Variants in SMIM30 observed in about 807,000 individuals in gnomAD.
The protein encoded by SMIM30 is long intergenic non-protein coding RNA 998.
For synonymous variants in SMIM30, 19 were observed against 11.5 expected, an observed-to-expected ratio of 1.65 and a Z score of -1.31; for missense variants, 43 against 27.6, an observed-to-expected ratio of 1.56 and a Z score of -1.25.
At chr7:113,117,773 A>G in intron 2 of SMIM30, 166 bp from the exon 3 acceptor site, 1 of 585,600 alleles carries the variant, frequency 1.7e-6, no homozygotes, top group Non-Finnish European at 3.0e-6. Flanking sequence ...GAGGGACGTT[A>G]AAGACAGTAA....
At chr7:113,118,191 G>C (rs1794718518) in intron 1 of SMIM30, 30 bp from the exon 2 acceptor site, 1 of 426,388 alleles carries the variant, frequency 2.3e-6, no homozygotes, top group South Asian at 1.7e-5. Context: ...TGGGGAGGGG[G>C]CGGAGAGAAG....
In SMIM30 at chr7:113,118,513, G is replaced by T; in HGVS notation, c.-124+15C>A. The T allele has an allele frequency of 2.2e-6, 1 of 456,064 alleles. No homozygotes were observed. Among genetic ancestry groups the T allele is most frequent in the Non-Finnish European group, 4.4e-6 (1 of 226,898 alleles). 28.3% of individuals were successfully genotyped at this position (456,064 alleles called of 1,614,324 possible). A position where few individuals can be genotyped will look rare whatever the true frequency, so the allele number is the denominator to read the frequency against. On this transcript the variant is annotated intron_variant, in intron 1 of 2. Transcript: ENST00000397764. ...TGCAACCTAAGTATCCTTTGGAGAC[G>T]AGTTCGTACATTACCTTCTAGGAAG...
rs1051878 is a variant in SMIM30 at position 113,117,332 on chromosome 7, T to G, written c.*67A>C. On this transcript the variant is annotated 3_prime_UTR_variant, in exon 3 of 3. Transcript: ENST00000397764. Reference sequence around the variant, plus strand: ...TTCTTGGAACCTTTCACACACCAAATCTCAGGTTTAGCCTCTAAAGCGCAA... The same window carrying G: ...TTCTTGGAACCTTTCACACACCAAAGCTCAGGTTTAGCCTCTAAAGCGCAA... The G allele has an allele frequency of 0.23, 160,880 of 692,526 alleles. 22,175 individuals carry two copies. The highest frequency in any genetic ancestry group is 0.48 in the African/African-American group (27,032 of 56,888). 42.9% of individuals were successfully genotyped at this position (692,526 alleles called of 1,614,324 possible).
chr7:113,118,383 G>T (rs1175670922), intron 1 of SMIM30, 145 bp downstream of exon 1: 1 of 454,622 alleles, frequency 2.2e-6, no homozygotes, highest in East Asian at 6.9e-5. Context: ...AAAAGAAACA[G>T]AACAGAGATA....
rs982577077 is a variant in SMIM30 at position 113,117,198 on chromosome 7, T to C, written c.*201A>G. The C allele has an allele frequency of 9.4e-6, 5 of 530,100 alleles. No homozygotes were observed. Among genetic ancestry groups the C allele is most frequent in the Non-Finnish European group, 1.7e-5 (5 of 296,030 alleles). The allele number at this position is 530,100 out of a possible 1,614,324, so 32.8% of individuals were successfully genotyped here. A position where few individuals can be genotyped will look rare whatever the true frequency, so the allele number is the denominator to read the frequency against. ...ACTAGCAAATTATAGGCTGCATTTT[T>C]CTGTGCATTATTTGTTGTAAAGAAA... On this transcript the variant is annotated 3_prime_UTR_variant, in exon 3 of 3. Transcript: ENST00000397764.
intron 1 of SMIM30, 112 bp from the exon 2 acceptor site, chr7:113,118,273 C>T: frequency 2.4e-6 from 1 of 419,788 alleles, no homozygotes; most frequent in African/African-American, 2.1e-5. Context: ...AGCGTGGAGG[C>T]CATATGGACG....
intron 2 of SMIM30, 187 bp downstream of exon 2, chr7:113,117,881 C>T: frequency 2.4e-6 from 1 of 408,342 alleles, no homozygotes; most frequent in South Asian, 2.3e-5. Flanking sequence ...AAAAATTGAA[C>T]AGGAGTTCAT....
chr7:113,117,962 T>C (rs1794713808), intron 2 of SMIM30, 106 bp downstream of exon 2: 5 of 352,752 alleles, frequency 1.4e-5, no homozygotes, highest in East Asian at 7.6e-5. Context: ...TGGGTAAAAA[T>C]TGTACATTTT....
At position 113,117,185 on chromosome 7, in the gene SMIM30, T is replaced by A. The variant is rs1436270943; in HGVS notation, c.*214A>T. ...CTTTGACTACCTAACTAGCAAATTATAGGCTGCATTTTTCTGTGCATTATT... is the reference window on the plus strand; with the variant it reads ...CTTTGACTACCTAACTAGCAAATTAAAGGCTGCATTTTTCTGTGCATTATT... On this transcript the variant is annotated 3_prime_UTR_variant, in exon 3 of 3. Coordinates refer to ENST00000397764, the MANE Select transcript of SMIM30 (RefSeq NM_001352688.2). 1.6e-5 allele frequency: 8 copies of A among 509,122 alleles called. No individual in the cohort carries two copies. The highest frequency in any genetic ancestry group is 1.1e-5 in the Non-Finnish European group (3 of 283,394). 31.5% of individuals were successfully genotyped at this position (509,122 alleles called of 1,614,324 possible).
Position 113,117,546 on chromosome 7 carries a change from G to T in SMIM30, c.33C>A (p.Val11=), listed in dbSNP as rs201016385. 117 of 702,814 alleles carry T rather than the reference G, an allele frequency of 1.7e-4. 1 individual carries two copies. The highest frequency in any genetic ancestry group is 2.7e-4 in the Non-Finnish European group (105 of 384,950). The allele number at this position is 702,814 out of a possible 1,614,324, so 43.5% of individuals were successfully genotyped here. A position where few individuals can be genotyped will look rare whatever the true frequency, so the allele number is the denominator to read the frequency against. ...GCAGCACCAAAAGCAGTGACATGAG[G>T]ACTAAGGACAACTGTGTTGAAACTG... The part of the protein sequence containing the change: MTSVSTQLSL[V]LMSLLLVLPV... Residue 11 remains valine (V), a synonymous_variant, in exon 3 of 3, where the codon GTC becomes GTA. Transcript: ENST00000397764.
chr7:113,118,043 G>A, intron 2 of SMIM30, 25 bp downstream of exon 2: 1 of 447,986 alleles, frequency 2.2e-6, no homozygotes. Flanking sequence ...ACTCTGCGAA[G>A]TTGTGGGGAA....
Position 113,117,469 on chromosome 7 carries a change from A to G in SMIM30, c.110T>C (p.Val37Ala). The G allele has an allele frequency of 1.4e-6, 1 of 702,910 alleles. No homozygotes were observed. Among genetic ancestry groups the G allele is most frequent in the Non-Finnish European group, 2.6e-6 (1 of 384,882 alleles). The allele number at this position is 702,910 out of a possible 1,614,324, so 43.5% of individuals were successfully genotyped here. The change falls in exon 3 of 3, where the codon GTG becomes GCG. Residue 37 changes from valine (V) to alanine (A), a missense_variant. Physicochemically the swap from Val to Ala is moderately conservative, Grantham distance 64. Coordinates refer to ENST00000397764, the MANE Select transcript of SMIM30 (RefSeq NM_001352688.2). ...ACAAATGCCTGTAATGCTGAGAACC[A>G]CACCTAACAAAAGGGCGATTGCATC... ...AGDAIALLLG[V>A]VLSITGICAC...
At position 113,117,457 on chromosome 7, in the gene SMIM30, A is replaced by T; in HGVS notation, c.122T>A (p.Ile41Asn). The change falls in exon 3 of 3, where the codon ATT (isoleucine) becomes AAT (asparagine). Residue 41 changes from isoleucine to asparagine, a missense_variant. Ile to Asn is a moderately radical substitution (Grantham distance 149). Transcript: ENST00000397764. ...CCCCAAGCAGGCACAAATGCCTGTA[A>T]TGCTGAGAACCACACCTAACAAAAG... ...IALLLGVVLS[I>N]TGICACLGVY... 1 of 702,962 alleles carries T rather than the reference A, an allele frequency of 1.4e-6. No homozygotes were observed. The highest frequency in any genetic ancestry group is 2.6e-6 in the Non-Finnish European group (1 of 384,870). 43.5% of individuals were successfully genotyped at this position (702,962 alleles called of 1,614,324 possible).
rs1213805480 is a variant in SMIM30 at position 113,116,724 on chromosome 7, T to A, written c.*675A>T. 6.6e-6 allele frequency: 1 copy of A among 152,196 alleles called. No homozygotes were observed. The highest frequency in any genetic ancestry group is 1.5e-5 in the Non-Finnish European group (1 of 68,044). The allele number at this position is 152,196 out of a possible 1,614,324, so 9.4% of individuals were successfully genotyped here. A position where few individuals can be genotyped will look rare whatever the true frequency, so the allele number is the denominator to read the frequency against. The stretch of plus-strand genomic sequence containing the variant: ...AAGAAATGGACACGAAACATTAACT[T>A]ATAACATAATGGGTTTATATTTAAT... On this transcript the variant is annotated 3_prime_UTR_variant, in exon 3 of 3. Coordinates refer to ENST00000397764, the MANE Select transcript of SMIM30 (RefSeq NM_001352688.2).
chr7:113,118,317 G>GGT (rs1563005426), intron 1 of SMIM30, 156 bp from the exon 2 acceptor site: 2 of 430,254 alleles, frequency 4.6e-6, no homozygotes, highest in Non-Finnish European at 9.3e-6. Context: ...AGAAAAGTCT[G>GGT]TCCAACAGGG....
chr7:113,118,480 T>C (rs930739904), intron 1 of SMIM30, 48 bp downstream of exon 1: 1 of 456,094 alleles, frequency 2.2e-6, no homozygotes, highest in Non-Finnish European at 4.4e-6. Context: ...GTTTTACAAA[T>C]ACACTGGTGC....
intron 1 of SMIM30, 117 bp downstream of exon 1, chr7:113,118,411 G>T (rs773589368): frequency 1.8e-5 from 8 of 455,582 alleles, no homozygotes; most frequent in South Asian, 1.2e-4. Flanking sequence ...TTCAGGACTT[G>T]ATATTAAGAT....
chr7:113,118,127 G>A lies in SMIM30; in HGVS notation c.-89C>T, dbSNP rs1794717070. ...TGAAATTTTCCCTTCCTGGAGCTCC[G>A]GATGCTGAGATTAAGAGGTTCCACG... On this transcript the variant is annotated 5_prime_UTR_variant, in exon 2 of 3. Coordinates refer to ENST00000397764, the MANE Select transcript of SMIM30 (RefSeq NM_001352688.2). 2.2e-6 allele frequency: 1 copy of A among 453,998 alleles called. No homozygotes were observed. The allele number at this position is 453,998 out of a possible 1,614,324, so 28.1% of individuals were successfully genotyped here. A position where few individuals can be genotyped will look rare whatever the true frequency, so the allele number is the denominator to read the frequency against.
intron 1 of SMIM30, 125 bp from the exon 2 acceptor site, chr7:113,118,286 A>G: frequency 2.4e-6 from 1 of 421,290 alleles, no homozygotes. Context: ...TATGGACGGT[A>G]GGGGGATAGG....
Sources: allele counts gnomAD v4.1 joint callset, GRCh38; gene constraint gnomAD v4.1.1; transcripts MANE v1.5; gene names NCBI Gene and HGNC (gene_info 2026-07-23, HGNC 2026-07-21).